Variants in BCAS1 observed in about 807,000 individuals in gnomAD.
The protein encoded by BCAS1 is brain enriched myelin associated protein 1.
In BCAS1, 46 loss-of-function variants were observed where a neutral mutation model predicts 65.4. The ratio of observed to expected loss-of-function variants is 0.70; its 90% confidence interval spans 0.55 to 0.90. The LOEUF is 0.90. Ranked by LOEUF, BCAS1 falls within the 40% of genes least tolerant of loss-of-function variation. BCAS1 has a pLI of 0.00. For synonymous variants in BCAS1, 298 were observed against 293.5 expected (o/e 1.02, Z -0.16); for missense variants, 793 against 771.2 (o/e 1.03, Z -0.33).
chr20:54,034,617 C>T lies in BCAS1; in HGVS notation c.143-5645G>A, dbSNP rs2091864007. On this transcript the variant is annotated intron_variant, in intron 3 of 12. Transcript: ENST00000688948. ...CTACAAGGAGAATAATGAACCAGCG[C>T]TCAAAGAAATTAGAGATGACACAAA... is the stretch of plus-strand genomic sequence containing the variant. Among the ~76,000 whole-genome samples the T allele has an allele frequency of 2.0e-5, 3 of 151,082 alleles. 1 individual carries two copies. Among genetic ancestry groups the T allele is most frequent in the Admixed American group, 1.3e-4 (2 of 15,090 alleles).
At position 53,985,287 on chromosome 20, in the gene BCAS1, CT is replaced by C; in HGVS notation, c.1274del (p.Lys425SerfsTer22). 1 of 1,612,812 alleles carries C rather than the reference CT, an allele frequency of 6.2e-7. No homozygotes were observed. The highest frequency in any genetic ancestry group is 8.5e-7 in the Non-Finnish European group (1 of 1,179,836). ...SLPLGKLFWKKSVKEDSVPTG... is the reference protein window; with the variant it reads ...SLPLGKLFWKXSVKEDSVPTG... ...TCTAACGCTTGAAAATCAGACTTAC[CT>C]TTTTCCAAAACAGTTTGCCCAGAGG... On this transcript the variant is annotated frameshift_variant and splice_region_variant, in exon 8 of 13. Coordinates refer to ENST00000688948, the MANE Select transcript of BCAS1 (RefSeq NM_001366298.2). LOFTEE classifies it high-confidence loss of function.
rs565436419 is a variant in BCAS1 at position 54,052,020 on chromosome 20, T to C, written c.142+6065A>G. 1.3e-3 allele frequency among the ~76,000 whole-genome samples: 194 copies of C among 152,296 alleles called. 1 individual carries two copies. The highest frequency in any genetic ancestry group is 9.1e-3 in the South Asian group (44 of 4,822). ...TCCAAAAGTGCTGGGATTACACGCG[T>C]GAGCCACTGCACCCAGCCAACTATG... On this transcript the variant is annotated intron_variant, in intron 3 of 12. Coordinates refer to ENST00000688948, the MANE Select transcript of BCAS1 (RefSeq NM_001366298.2).
chr20:53,953,461 G>A lies in BCAS1; in HGVS notation c.1786C>T (p.Gln596Ter). 1 of 1,614,114 alleles carries A rather than the reference G, an allele frequency of 6.2e-7. No homozygotes were observed. The highest frequency in any genetic ancestry group is 1.7e-4 in the Middle Eastern group (1 of 6,042). ...KLQKRPEKRQQSLGGFFKGLG... is the reference protein window; with the variant it reads ...KLQKRPEKRQ ...CCTTTAAAGAAGCCCCCAAGGGACT[G>A]CTGCCGCTTCTCAGGTCTCTTTTGG... The change falls in exon 12 of 13, where the codon CAG becomes TAG. Residue 596 changes from glutamine (Q) to a stop codon, truncating the protein, a stop_gained. Coordinates refer to ENST00000688948, the MANE Select transcript of BCAS1 (RefSeq NM_001366298.2). LOFTEE classifies it high-confidence loss of function.
intron 10 of BCAS1, 93 bp downstream of exon 10, chr20:53,966,813 A>G (rs918438548): frequency 1.6e-5 from 20 of 1,245,646 alleles, no homozygotes; most frequent in African/African-American, 3.0e-5. Flanking sequence ...ACCAGCTACA[A>G]TTATGTCTCC....
intron 3 of BCAS1, among the ~76,000 whole-genome samples, chr20:54,047,523 C>T (rs952652312): frequency 6.6e-6 from 1 of 152,192 alleles, no homozygotes; most frequent in African/African-American, 2.4e-5. Context: ...GAGATTTCCC[C>T]AGGGCTCTTG....
intron 4 of BCAS1, among the ~76,000 whole-genome samples, chr20:54,016,923 A>T (rs1039621012): frequency 2.6e-5 from 4 of 152,234 alleles, no homozygotes; most frequent in African/African-American, 9.6e-5. Context: ...AAATCACAAC[A>T]TCACTACCTG....
intron 3 of BCAS1, among the ~76,000 whole-genome samples, chr20:54,042,239 A>C (rs963517555): frequency 6.6e-5 from 10 of 152,162 alleles, no homozygotes; most frequent in Admixed American, 3.3e-4. Flanking sequence ...ACAGGCACTG[A>C]GCCTACTTGA....
chr20:53,965,582 T>C (rs2090005385), intron 10 of BCAS1, among the ~76,000 whole-genome samples: 1 of 152,212 alleles, frequency 6.6e-6, no homozygotes, highest in South Asian at 2.1e-4. Flanking sequence ...ATTCTTTCTA[T>C]TCTACACAAA....
At chr20:53,950,479 C>G (rs1478362210) in intron 12 of BCAS1, among the ~76,000 whole-genome samples, 3 of 152,048 alleles carry the variant, frequency 2.0e-5, no homozygotes, top group African/African-American at 4.8e-5. Context: ...CACACCCCCC[C>G]ATCCATACTC....
At chr20:53,972,984 T>C (rs893912784) in intron 9 of BCAS1, among the ~76,000 whole-genome samples, 14 of 152,180 alleles carry the variant, frequency 9.2e-5, no homozygotes, top group African/African-American at 2.9e-4. Flanking sequence ...TCCCAGCACT[T>C]TGAGAGGCCA....
chr20:54,016,758 G>A (rs1178905814), intron 4 of BCAS1, among the ~76,000 whole-genome samples: 2 of 152,288 alleles, frequency 1.3e-5, no homozygotes, highest in African/African-American at 4.8e-5. Context: ...TTCTGAGATG[G>A]AAATTGAGTC....
Position 53,992,641 on chromosome 20 carries a change from C to G in BCAS1, c.933G>C (p.Ser311=). ...ETKKDPEDTA[S]KAESVCDGQA... ...GTCCATCACAGACACTTTCTGCTTT[C>G]GATGCCTTTGGGGCAACAGCAGTCA... The change falls in exon 7 of 13, where the codon TCG becomes TCC. Residue 311 remains serine, a synonymous_variant. Coordinates refer to ENST00000688948, the MANE Select transcript of BCAS1 (RefSeq NM_001366298.2). 1 of 1,365,960 alleles carries G rather than the reference C, an allele frequency of 7.3e-7. No individual in the cohort carries two copies. The highest frequency in any genetic ancestry group is 9.8e-7 in the Non-Finnish European group (1 of 1,021,744). 84.6% of individuals were successfully genotyped at this position (1,365,960 alleles called of 1,614,324 possible).
chr20:54,066,625 G>A (rs574281235), intron 1 of BCAS1, among the ~76,000 whole-genome samples: 1 of 152,206 alleles, frequency 6.6e-6, no homozygotes, highest in Non-Finnish European at 1.5e-5. Flanking sequence ...AGACACCAAA[G>A]AGCTCTCTCT....
Position 54,058,146 on chromosome 20 carries a change from C to A in BCAS1, c.81G>T (p.Ala27=). 1.2e-6 allele frequency: 2 copies of A among 1,613,974 alleles called. No homozygotes were observed. Among genetic ancestry groups the A allele is most frequent in the Non-Finnish European group, 1.7e-6 (2 of 1,179,964 alleles). The change falls in exon 3 of 13, where the codon GCG becomes GCT. Residue 27 remains alanine, a synonymous_variant. Coordinates refer to ENST00000688948, the MANE Select transcript of BCAS1 (RefSeq NM_001366298.2). ...CCACTGGAACCCCGTTCAGAGCAGA[C>A]GCGTTGTCCTGAAACAGAGCACGTG... ...EPEAETYQDN[A]SALNGVPVVV...
chr20:53,946,418 C>T (rs1193852195), intron 12 of BCAS1, among the ~76,000 whole-genome samples: 2 of 151,940 alleles, frequency 1.3e-5, no homozygotes, highest in African/African-American at 4.8e-5. Context: ...GATTCATCCA[C>T]CTTGCTGCAT....
At chr20:54,066,124 G>A (rs1298380025) in intron 1 of BCAS1, among the ~76,000 whole-genome samples, 3 of 150,404 alleles carry the variant, frequency 2.0e-5, no homozygotes, top group African/African-American at 4.9e-5. Context: ...CCAGGCTGGA[G>A]TGCAGTGGCG....
intron 3 of BCAS1, among the ~76,000 whole-genome samples, chr20:54,041,451 G>A (rs1332776915): frequency 7.1e-6 from 1 of 141,046 alleles, no homozygotes; most frequent in Non-Finnish European, 1.6e-5. Context: ...CATGCAGCCA[G>A]CTTTTAAGCA....
chr20:53,980,292 T>G lies in BCAS1; in HGVS notation c.1276-4862A>C, dbSNP rs2145737475. Among the ~76,000 whole-genome samples the G allele has an allele frequency of 2.0e-5, 3 of 152,308 alleles. No individual in the cohort carries two copies. The Middle Eastern group carries it at 0.01, about 518-fold the overall frequency. On this transcript the variant is annotated intron_variant, in intron 8 of 12. Transcript: ENST00000688948. ...CGTTGTCCAAGTTAACTGATAAAAA[T>G]TTTGAATAAACAGGGCTGAGGCCAG...
At chr20:53,993,050 G>A (rs552888110) in intron 6 of BCAS1, among the ~76,000 whole-genome samples, 2 of 152,270 alleles carry the variant, frequency 1.3e-5, no homozygotes, top group South Asian at 4.1e-4. Context: ...TTTCATCCTG[G>A]AGTCAAAGCA....
Sources: gnomAD v4.1 joint callset for allele counts (sites outside exome capture counted in the v4.1 genomes callset) on GRCh38, gnomAD v4.1.1 for gene constraint, MANE v1.5 for transcripts, NCBI Gene and HGNC (gene_info 2026-07-23, HGNC 2026-07-21) for gene names.